Variants in FAIM observed in about 807,000 individuals in gnomAD.
The protein encoded by FAIM is Fas apoptotic inhibitory molecule.
A neutral mutation model predicts 21.2 loss-of-function variants in FAIM; 14 were observed. The observed-to-expected ratio is 0.66, with a 90% CI of 0.44 to 1.03. FAIM has a LOEUF of 1.03. Ranked by LOEUF, FAIM falls within the 50% of genes least tolerant of loss-of-function variation. The pLI, the probability that FAIM is intolerant of heterozygous loss-of-function variation, is 0.00. For synonymous variants in FAIM, 86 were observed against 80.4 expected (o/e 1.07, Z -0.37); for missense variants, 222 against 247.1 (o/e 0.90, Z 0.68).
intron 1 of FAIM, among the ~76,000 whole-genome samples, chr3:138,611,680 C>T (rs1490067827): frequency 1.3e-5 from 2 of 152,126 alleles, no homozygotes; most frequent in Non-Finnish European, 1.5e-5. Context: ...CATTAATGCC[C>T]TCCCTTGGAG....
chr3:138,633,036 C>T lies in FAIM; in HGVS notation c.563C>T (p.Thr188Ile). The T allele has an allele frequency of 6.2e-7, 1 of 1,613,700 alleles. No individual in the cohort carries two copies. Among genetic ancestry groups the T allele is most frequent in the East Asian group, 2.2e-5 (1 of 44,822 alleles). ...AAGCGGAAAGAAGGGATTATTCATACTCTCATTGTGGATAATAGAGAAATC... is the reference window on the plus strand; with the variant it reads ...AAGCGGAAAGAAGGGATTATTCATATTCTCATTGTGGATAATAGAGAAATC... ...SGKRKEGIIH[T>I]LIVDNREIPE... Residue 188 changes from threonine to isoleucine, a missense_variant, in exon 6 of 6, where the codon ACT becomes ATT. Thr to Ile is a moderately conservative substitution (Grantham distance 89). Coordinates refer to ENST00000360570, the MANE Select transcript of FAIM (RefSeq NM_001033031.2).
chr3:138,627,292 C>T lies in FAIM; in HGVS notation c.407-1815C>T, dbSNP rs533393304. ...TGCCTCCTGGGTTCAAGCAATTCTC[C>T]TGCCTCAGCCTCCTGAGTAGCTGGG... On this transcript the variant is annotated intron_variant, in intron 4 of 5. Coordinates refer to ENST00000360570, the MANE Select transcript of FAIM (RefSeq NM_001033031.2). Among the ~76,000 whole-genome samples the T allele has an allele frequency of 3.9e-5, 6 of 151,928 alleles. No individual in the cohort carries two copies. The East Asian group carries it at 1.2e-3, about 29-fold the overall frequency.
At chr3:138,627,947 C>G (rs1197053208) in intron 4 of FAIM, among the ~76,000 whole-genome samples, 1 of 152,168 alleles carries the variant, frequency 6.6e-6, no homozygotes, top group Non-Finnish European at 1.5e-5. Context: ...CCCCAGACTC[C>G]TTGTGCACAT....
At chr3:138,616,775 T>C (rs929990701) in intron 1 of FAIM, among the ~76,000 whole-genome samples, 11 of 152,206 alleles carry the variant, frequency 7.2e-5, no homozygotes, top group African/African-American at 2.7e-4. Context: ...TTACTTTGTA[T>C]TAAAACAACA....
chr3:138,629,878 C>T (rs2042985805), intron 5 of FAIM: 1 of 152,288 alleles, frequency 6.6e-6, no homozygotes, highest in African/African-American at 2.4e-5. Flanking sequence ...CTTTTGCTAT[C>T]AGGTGCTTGG....
chr3:138,629,243 T>C (rs2108357012), intron 5 of FAIM, 87 bp downstream of exon 5: 1 of 1,113,116 alleles, frequency 9.0e-7, no homozygotes. Context: ...AGAGATCTTA[T>C]AATGAATCAA....
intron 4 of FAIM, among the ~76,000 whole-genome samples, chr3:138,626,276 C>T (rs361075): frequency 0.6 from 91,639 of 152,032 alleles, 28,317 homozygotes; most frequent in East Asian, 0.98. Flanking sequence ...TAACATACCA[C>T]TTTGAATAGG....
chr3:138,628,230 A>G lies in FAIM; in HGVS notation c.407-877A>G, dbSNP rs569155072. 2.0e-5 allele frequency among the ~76,000 whole-genome samples: 3 copies of G among 152,230 alleles called. No individual in the cohort carries two copies. The East Asian group carries it at 5.8e-4, about 29-fold the overall frequency. On this transcript the variant is annotated intron_variant, in intron 4 of 5. Coordinates refer to ENST00000360570, the MANE Select transcript of FAIM (RefSeq NM_001033031.2). The stretch of plus-strand genomic sequence containing the variant: ...ATCCAATAATTTTTCTCTAAACTGA[A>G]ACCATTATGAAAAGGAATAGACATT...
At chr3:138,619,517 T>G (rs1037532439) in intron 1 of FAIM, among the ~76,000 whole-genome samples, 194 bp from the exon 2 acceptor site, 2 of 152,258 alleles carry the variant, frequency 1.3e-5, no homozygotes, top group Admixed American at 6.5e-5. Flanking sequence ...ATTTGCATGA[T>G]GTAACATCTT....
intron 1 of FAIM, among the ~76,000 whole-genome samples, chr3:138,611,224 A>G (rs1258339154): frequency 1.3e-5 from 2 of 152,072 alleles, no homozygotes; most frequent in Non-Finnish European, 2.9e-5. Flanking sequence ...TTACAGGTGC[A>G]GTTGCATCCC....
chr3:138,611,134 T>G, intron 1 of FAIM: 1 of 976,494 alleles, frequency 1.0e-6, no homozygotes, highest in Non-Finnish European at 1.6e-6. Context: ...AAATTGAATT[T>G]GTAACTTAGA....
chr3:138,614,216 G>T (rs1430227087), intron 1 of FAIM, among the ~76,000 whole-genome samples: 1 of 152,186 alleles, frequency 6.6e-6, no homozygotes, highest in Non-Finnish European at 1.5e-5. Context: ...GAGGTGGGAG[G>T]ATCACTTGAG....
chr3:138,613,591 C>A (rs558430527), intron 1 of FAIM, among the ~76,000 whole-genome samples: 11 of 152,140 alleles, frequency 7.2e-5, no homozygotes, highest in Non-Finnish European at 1.6e-4. Flanking sequence ...TTAAGTGATC[C>A]TCCCACTTCA....
chr3:138,611,126 A>C, intron 1 of FAIM: 1 of 1,042,886 alleles, frequency 9.6e-7, no homozygotes, highest in Non-Finnish European at 1.5e-6. Context: ...TGTTTATTAA[A>C]TTGAATTTGT....
chr3:138,628,955 T>G (rs1458412555), intron 4 of FAIM, 152 bp from the exon 5 acceptor site: 6 of 533,584 alleles, frequency 1.1e-5, no homozygotes, highest in African/African-American at 8.2e-5. Context: ...CTGCAAGCCA[T>G]GAAAGCCATG....
At chr3:138,625,395 G>A (rs1394446720) in intron 4 of FAIM, among the ~76,000 whole-genome samples, 2 of 151,810 alleles carry the variant, frequency 1.3e-5, no homozygotes, top group Non-Finnish European at 2.9e-5. Context: ...CCTGGGAGGC[G>A]GAGGTTGCAG....
At chr3:138,609,172 C>A (rs535388420) in intron 1 of FAIM, 1 of 151,688 alleles carries the variant, frequency 6.6e-6, no homozygotes, top group Admixed American at 6.6e-5. Flanking sequence ...TTCCAGCCGG[C>A]CCGCCGGTGA....
chr3:138,621,646 A>T (rs888630069), intron 3 of FAIM, 107 bp downstream of exon 3: 2 of 951,002 alleles, frequency 2.1e-6, no homozygotes, highest in Non-Finnish European at 3.1e-6. Flanking sequence ...TCTTGTAGTC[A>T]TGTTTTTGAT....
At chr3:138,612,289 G>C (rs2108333155) in intron 1 of FAIM, among the ~76,000 whole-genome samples, 1 of 152,098 alleles carries the variant, frequency 6.6e-6, no homozygotes, top group South Asian at 2.1e-4. Flanking sequence ...TTTTAGTAGA[G>C]ACGGGGTTTC....
Sources: gnomAD v4.1 joint callset for allele counts (sites outside exome capture counted in the v4.1 genomes callset) on GRCh38, gnomAD v4.1.1 for gene constraint, MANE v1.5 for transcripts, NCBI Gene and HGNC (gene_info 2026-07-23, HGNC 2026-07-21) for gene names.